The following NAALADL2 variants were observed in gnomAD, a reference collection of about 807,000 sequenced individuals.
The protein encoded by NAALADL2 is N-acetylated alpha-linked acidic dipeptidase like 2.
NAALADL2 carries 76 observed loss-of-function variants against 87.2 expected under a neutral mutation model. The observed-to-expected ratio is 0.87, with a 90% CI of 0.72 to 1.05. NAALADL2 has a LOEUF of 1.05. Among genes scored for constraint, NAALADL2 ranks in the 50% least tolerant of loss-of-function variants. The pLI, the probability that NAALADL2 is intolerant of heterozygous loss-of-function variation, is 0.00. For synonymous variants in NAALADL2, 354 were observed against 331.0 expected, an observed-to-expected ratio of 1.07 and a Z score of -0.75; for missense variants, 1,089 against 945.8, an observed-to-expected ratio of 1.15 and a Z score of -1.99.
At chr3:174,870,750 G>T (rs190370329) in intron 1 of NAALADL2, among the ~76,000 whole-genome samples, 2 of 151,942 alleles carry the variant, frequency 1.3e-5, no homozygotes, top group Non-Finnish European at 2.9e-5. Context: ...TTCCAGGAGA[G>T]TACTTTAAAT....
rs150131275 is a variant in NAALADL2 at position 174,728,101 on chromosome 3, G to A, written c.-114-9540G>A. On this transcript the variant is annotated intron_variant, in intron 2 of 3. Coordinates refer to the NAALADL2 transcript ENST00000434257. ...TATTCCATTGTATGGATGTACAACC[G>A]TTTACTTATACATTCACCTCTAGGA... Among the ~76,000 whole-genome samples the A allele has an allele frequency of 4.6e-5, 7 of 151,950 alleles. No homozygotes were observed. The East Asian group carries it at 1.4e-3, about 29-fold the overall frequency.
At chr3:174,901,789 G>A (rs78129691) in intron 1 of NAALADL2, among the ~76,000 whole-genome samples, 4,824 of 152,238 alleles carry the variant, frequency 0.032, 109 homozygotes, top group Non-Finnish European at 0.05. Flanking sequence ...ATGGGCCAAT[G>A]ATCATGAGCA....
At chr3:175,618,097 G>C (rs908334100) in intron 10 of NAALADL2, among the ~76,000 whole-genome samples, 5 of 152,140 alleles carry the variant, frequency 3.3e-5, no homozygotes, top group African/African-American at 1.2e-4. Context: ...GCAGTAGTCA[G>C]GGTTTGATTC....
At chr3:175,168,632 G>A (rs576736547) in intron 2 of NAALADL2, among the ~76,000 whole-genome samples, 1 of 151,834 alleles carries the variant, frequency 6.6e-6, no homozygotes, top group South Asian at 2.1e-4. Context: ...TTTCATGAAT[G>A]TAAATATATC....
intron 1 of NAALADL2, among the ~76,000 whole-genome samples, chr3:174,451,350 T>C (rs1715466848): frequency 6.6e-6 from 1 of 152,240 alleles, no homozygotes; most frequent in African/African-American, 2.4e-5. Flanking sequence ...TTTAAGAAGG[T>C]GGCTGTTCTT....
At chr3:175,208,657 A>T (rs574239225) in intron 2 of NAALADL2, among the ~76,000 whole-genome samples, 3 of 152,166 alleles carry the variant, frequency 2.0e-5, no homozygotes, top group Non-Finnish European at 4.4e-5. Flanking sequence ...ATTATATTAC[A>T]TTCTTCCGAT....
chr3:174,493,008 T>C (rs184743777), intron 1 of NAALADL2, among the ~76,000 whole-genome samples: 2 of 152,334 alleles, frequency 1.3e-5, no homozygotes, highest in African/African-American at 4.8e-5. Flanking sequence ...ACTTTAAGGA[T>C]TTTTTCTTAT....
chr3:174,971,151 C>T (rs1411749823), intron 1 of NAALADL2, among the ~76,000 whole-genome samples: 1 of 152,080 alleles, frequency 6.6e-6, no homozygotes, highest in East Asian at 1.9e-4. Context: ...GAAAGACTGG[C>T]CCCCATAATT....
At chr3:174,605,280 G>C (rs1014404456) in intron 2 of NAALADL2, among the ~76,000 whole-genome samples, 20 of 152,278 alleles carry the variant, frequency 1.3e-4, no homozygotes, top group Admixed American at 1.3e-3. Context: ...GAGGTACCGG[G>C]TTCATCTCAC....
intron 9 of NAALADL2, among the ~76,000 whole-genome samples, chr3:175,497,568 A>G (rs1164530723): frequency 6.6e-6 from 1 of 152,190 alleles, no homozygotes; most frequent in East Asian, 1.9e-4. Context: ...GACAATGACC[A>G]TTAAATCACA....
chr3:174,867,730 CAAG>C (rs765067133), intron 1 of NAALADL2, among the ~76,000 whole-genome samples: 1 of 151,878 alleles, frequency 6.6e-6, no homozygotes, highest in Non-Finnish European at 1.5e-5. Context: ...CAAAATAAAA[CAAG>C]AAGCTTTAAA....
intron 11 of NAALADL2, 55 bp from the exon 12 acceptor site, chr3:175,737,251 A>G: frequency 9.7e-7 from 1 of 1,032,562 alleles, no homozygotes; most frequent in African/African-American, 1.6e-5. Flanking sequence ...AAACAAACAA[A>G]TGAAAACTCC....
intron 1 of NAALADL2, among the ~76,000 whole-genome samples, chr3:174,916,711 A>G (rs1169461114): frequency 6.6e-6 from 1 of 151,966 alleles, no homozygotes; most frequent in African/African-American, 2.4e-5. Flanking sequence ...TGGGGACTTG[A>G]TGAGGAGACT....
At chr3:174,661,640 G>A (rs1725515667) in intron 2 of NAALADL2, among the ~76,000 whole-genome samples, 1 of 151,976 alleles carries the variant, frequency 6.6e-6, no homozygotes, top group Admixed American at 6.6e-5. Context: ...GTTGTGTAGT[G>A]GTGAAGTCTG....
intron 3 of NAALADL2, among the ~76,000 whole-genome samples, chr3:174,797,298 C>CTTTTTTTTTTTTTTGTTTTTTTTT (rs765233495): frequency 1.0e-5 from 1 of 97,728 alleles, no homozygotes; most frequent in African/African-American, 4.7e-5. Context: ...TTTTGTTTTT[C>CTTTTTTTTTTTTTTGTTTTTTTTT]TTTTTTCTTT....
intron 1 of NAALADL2, among the ~76,000 whole-genome samples, chr3:174,456,168 T>A (rs1460299096): frequency 6.6e-6 from 1 of 152,038 alleles, no homozygotes; most frequent in African/African-American, 2.4e-5. Flanking sequence ...GTGAAAGATC[T>A]CTGTAATGAG....
At chr3:175,103,044 G>A (rs1024972395) in intron 2 of NAALADL2, among the ~76,000 whole-genome samples, 3 of 151,234 alleles carry the variant, frequency 2.0e-5, no homozygotes, top group African/African-American at 7.3e-5. Context: ...AGGAGGCGGA[G>A]GTTGCAGTGA....
At chr3:175,334,263 T>C (rs1248984847) in intron 5 of NAALADL2, among the ~76,000 whole-genome samples, 4 of 152,198 alleles carry the variant, frequency 2.6e-5, no homozygotes, top group African/African-American at 4.8e-5. Flanking sequence ...GATAGATAGA[T>C]AGATAGACAG....
chr3:175,576,021 A>C lies in NAALADL2; in HGVS notation c.1654-20A>C. ...CTGGGAAGCATAGTATGTGTTAACA[A>C]TTTAAATTATGTTTTTCAGAAAAAT... On this transcript the variant is annotated intron_variant, in intron 9 of 13. Coordinates refer to ENST00000454872, the MANE Select transcript of NAALADL2 (RefSeq NM_207015.3). 6.2e-7 allele frequency: 1 copy of C among 1,603,976 alleles called. No homozygotes were observed. The highest frequency in any genetic ancestry group is 8.5e-7 in the Non-Finnish European group (1 of 1,174,508).
Sources: gnomAD v4.1 joint callset for allele counts (sites outside exome capture counted in the v4.1 genomes callset) on GRCh38, gnomAD v4.1.1 for gene constraint, MANE v1.5 for transcripts, NCBI Gene and HGNC (gene_info 2026-07-23, HGNC 2026-07-21) for gene names.